CLASP1: variants seen among roughly 807,000 people sequenced by gnomAD.
CLASP1 encodes the protein CLIP-associating protein 1.
In CLASP1, 38 loss-of-function variants were observed where a neutral mutation model predicts 192.3. The observed-to-expected ratio is 0.20, with a 90% CI of 0.15 to 0.26. CLASP1 has a LOEUF of 0.26. Among genes scored for constraint, CLASP1 ranks in the 10% least tolerant of loss-of-function variants. CLASP1 has a pLI of 1.00. For synonymous variants in CLASP1, 691 were observed against 712.8 expected, an observed-to-expected ratio of 0.97 and a Z score of 0.49; for missense variants, 1,433 against 1,932.5, an observed-to-expected ratio of 0.74 and a Z score of 4.85.
intron 30 of CLASP1, among the ~76,000 whole-genome samples, chr2:121,391,869 A>C (rs1176695829): frequency 6.6e-6 from 1 of 152,146 alleles, no homozygotes; most frequent in African/African-American, 2.4e-5. Context: ...GTGCCACTGT[A>C]CTCCAGCCTG....
chr2:121,421,087 C>T (rs189620074), intron 22 of CLASP1, among the ~76,000 whole-genome samples: 3 of 152,124 alleles, frequency 2.0e-5, no homozygotes, highest in Non-Finnish European at 2.9e-5. Flanking sequence ...GCCATAGTTA[C>T]CCTAAACCTC....
At chr2:121,342,366 C>A (rs1423101011) in intron 39 of CLASP1, among the ~76,000 whole-genome samples, 1 of 152,162 alleles carries the variant, frequency 6.6e-6, no homozygotes, top group Non-Finnish European at 1.5e-5. Context: ...AATCCTCCTG[C>A]CTCGGCCTCC....
At chr2:121,581,291 G>GC (rs1015493141) in intron 2 of CLASP1, among the ~76,000 whole-genome samples, 2 of 83,670 alleles carry the variant, frequency 2.4e-5, no homozygotes, top group African/African-American at 1.0e-4. Context: ...TTTTTGAGAT[G>GC]GAGTCTCGCT....
exon 23 of CLASP1, chr2:121,418,716 A>G (rs1169744744): frequency 6.2e-7 from 1 of 1,613,236 alleles, no homozygotes; most frequent in Non-Finnish European, 8.5e-7. Context: ...GTCGAGGGAT[A>G]CGGCTGCTCC....
chr2:121,351,737 G>A (rs559906582), intron 37 of CLASP1, among the ~76,000 whole-genome samples: 4 of 152,292 alleles, frequency 2.6e-5, no homozygotes, highest in South Asian at 4.1e-4. Flanking sequence ...GTGGAGCTCC[G>A]GATCAGCATG....
At chr2:121,633,099 A>C (rs2070110678) in intron 1 of CLASP1, among the ~76,000 whole-genome samples, 1 of 150,874 alleles carries the variant, frequency 6.6e-6, no homozygotes, top group African/African-American at 2.4e-5. Context: ...ATGGCAGACA[A>C]GCTAGGAGAG....
chr2:121,365,419 A>G, intron 35 of CLASP1, 135 bp from the exon 37 acceptor site: 1 of 817,640 alleles, frequency 1.2e-6, no homozygotes, highest in South Asian at 1.6e-5. Context: ...TTCCCCTCCC[A>G]CCCTCCGCCC....
At chr2:121,356,181 G>T (rs1388811465) in intron 37 of CLASP1, among the ~76,000 whole-genome samples, 1 of 152,152 alleles carries the variant, frequency 6.6e-6, no homozygotes, top group African/African-American at 2.4e-5. Flanking sequence ...ACAGTGGCTG[G>T]AATCAAAGAA....
chr2:121,646,862 C>A (rs1024978001), intron 1 of CLASP1, among the ~76,000 whole-genome samples: 1 of 150,472 alleles, frequency 6.6e-6, no homozygotes, highest in South Asian at 2.1e-4. Flanking sequence ...ACGGTGAAAC[C>A]CCGTCTCTAC....
At chr2:121,492,500 A>G (rs2093361056) in intron 8 of CLASP1, among the ~76,000 whole-genome samples, 2 of 151,974 alleles carry the variant, frequency 1.3e-5, no homozygotes, top group Non-Finnish European at 2.9e-5. Context: ...AAGATAAACA[A>G]TTCGATTTTT....
chr2:121,578,676 C>T (rs2060803696), intron 2 of CLASP1, among the ~76,000 whole-genome samples: 1 of 149,058 alleles, frequency 6.7e-6, no homozygotes, highest in Non-Finnish European at 1.5e-5. Context: ...TGCAGTGAGC[C>T]GAGATTGCAC....
chr2:121,520,641 G>A (rs2094436205), intron 6 of CLASP1, among the ~76,000 whole-genome samples: 1 of 152,226 alleles, frequency 6.6e-6, no homozygotes, highest in Non-Finnish European at 1.5e-5. Context: ...GAGTCCCACT[G>A]GATGCAACCC....
chr2:121,486,468 A>G (rs547372264), intron 8 of CLASP1, among the ~76,000 whole-genome samples: 1 of 152,130 alleles, frequency 6.6e-6, no homozygotes, highest in East Asian at 1.9e-4. Context: ...TTAAATGTTC[A>G]TTTCTCCCTT....
At chr2:121,406,287 A>G (rs1163088944) in intron 25 of CLASP1, among the ~76,000 whole-genome samples, 2 of 152,262 alleles carry the variant, frequency 1.3e-5, no homozygotes, top group Non-Finnish European at 2.9e-5. Context: ...GAAACAAAGA[A>G]AAAAGCAAAA....
Position 121,434,854 on chromosome 2 carries a change from G to A in CLASP1, c.1913-4677C>T, listed in dbSNP as rs557133585. Among the ~76,000 whole-genome samples, 168 of 152,116 alleles carry A rather than the reference G, an allele frequency of 1.1e-3. 1 individual carries two copies. The highest frequency in any genetic ancestry group is 3.1e-3 in the Admixed American group (48 of 15,282). On this transcript the variant is annotated intron_variant, in intron 19 of 39. Transcript: ENST00000263710. Reference sequence around the variant, plus strand: ...AATGCAAAAATTACCTGGGCGTGGTGGTGCACGCCTGCAATCCTCTTTTAC... The same window carrying A: ...AATGCAAAAATTACCTGGGCGTGGTAGTGCACGCCTGCAATCCTCTTTTAC...
At chr2:121,521,338 C>T (rs1049714345) in intron 6 of CLASP1, among the ~76,000 whole-genome samples, 1 of 152,046 alleles carries the variant, frequency 6.6e-6, no homozygotes, top group Non-Finnish European at 1.5e-5. Flanking sequence ...TTGAACCTTT[C>T]GATATGAAAG....
intron 35 of CLASP1, among the ~76,000 whole-genome samples, chr2:121,366,689 T>C (rs2067474826): frequency 6.6e-6 from 1 of 152,240 alleles, no homozygotes. Context: ...GAATGTTAAC[T>C]ATTTAGAATT....
At chr2:121,339,131 C>CACACACACACA (rs1330342670) in exon 40 of CLASP1, 4 of 143,514 alleles carry the variant, frequency 2.8e-5, no homozygotes, top group African/African-American at 7.8e-5. Flanking sequence ...ACACACAACA[C>CACACACACACA]CACACACACA....
intron 30 of CLASP1, among the ~76,000 whole-genome samples, chr2:121,396,537 A>G (rs2075312239): frequency 6.6e-6 from 1 of 152,234 alleles, no homozygotes; most frequent in South Asian, 2.1e-4. Flanking sequence ...CAAATATTCT[A>G]ATGTGCATGT....
Sources: gnomAD v4.1 joint callset for allele counts (sites outside exome capture counted in the v4.1 genomes callset) on GRCh38, gnomAD v4.1.1 for gene constraint, MANE v1.5 for transcripts, NCBI Gene and HGNC (gene_info 2026-07-23, HGNC 2026-07-21) for gene names.